Variants in PRIMA1 observed in about 807,000 individuals in gnomAD.
PRIMA1 encodes the protein proline-rich membrane anchor 1.
In PRIMA1, 7 loss-of-function variants were observed where a neutral mutation model predicts 17.5. The observed-to-expected ratio is 0.40, with a 90% CI of 0.23 to 0.75. The LOEUF is 0.75. Among genes scored for constraint, PRIMA1 ranks in the 30% least tolerant of loss-of-function variants. The probability of loss-of-function intolerance (pLI) is 0.37; values close to 1 mark genes in which losing one functional copy is unlikely to be tolerated. For missense variants in PRIMA1, 200 were observed against 201.8 expected (o/e 0.99, Z 0.05); for synonymous variants, 97 against 77.9 (o/e 1.25, Z -1.29).
intron 3 of PRIMA1, among the ~76,000 whole-genome samples, chr14:93,761,932 C>T (rs1337895204): frequency 2.6e-5 from 4 of 152,102 alleles, no homozygotes; most frequent in Non-Finnish European, 4.4e-5. Context: ...CATATTCCAC[C>T]TCTTTCTGAT....
At chr14:93,744,929 G>A (rs1370232821) in intron 3 of PRIMA1, among the ~76,000 whole-genome samples, 4 of 152,082 alleles carry the variant, frequency 2.6e-5, no homozygotes, top group Non-Finnish European at 4.4e-5. Context: ...CAAAACTAAG[G>A]GACACACCCT....
intron 3 of PRIMA1, among the ~76,000 whole-genome samples, chr14:93,748,787 G>C (rs181862943): frequency 6.6e-5 from 10 of 152,060 alleles, no homozygotes; most frequent in Non-Finnish European, 1.2e-4. Context: ...TCTCAGGCTC[G>C]GCTCCTGAGG....
chr14:93,737,162 T>C (rs1024366000), intron 4 of PRIMA1, 79 bp downstream of exon 4: 16 of 1,380,960 alleles, frequency 1.2e-5, no homozygotes, highest in South Asian at 5.1e-5. Flanking sequence ...AAAATAATGA[T>C]ACGGGATGTG....
chr14:93,738,808 G>C (rs747481036), intron 3 of PRIMA1, among the ~76,000 whole-genome samples: 2 of 152,112 alleles, frequency 1.3e-5, no homozygotes, highest in Non-Finnish European at 2.9e-5. Context: ...AAGTGTCCCC[G>C]TGCCTCTTTC....
At chr14:93,765,855 C>A (rs1884879940) in intron 3 of PRIMA1, among the ~76,000 whole-genome samples, 1 of 152,158 alleles carries the variant, frequency 6.6e-6, no homozygotes, top group Non-Finnish European at 1.5e-5. Context: ...TCCCTGCAGC[C>A]CCCTAAAGGC....
At chr14:93,725,507 G>A (rs533013669) in intron 4 of PRIMA1, among the ~76,000 whole-genome samples, 2 of 152,282 alleles carry the variant, frequency 1.3e-5, no homozygotes, top group African/African-American at 4.8e-5. Context: ...GGGTGACGCT[G>A]CGGAAGTGCT....
chr14:93,776,593 C>T lies in PRIMA1; in HGVS notation c.229+2583G>A, dbSNP rs944581214. ...AAACAGTTGATCTTTCTGAAACAGA[C>T]AATATAGGCTCATGTCACTTCCCCA... On this transcript the variant is annotated intron_variant, in intron 3 of 4. Transcript: ENST00000393140. 4.6e-5 allele frequency among the ~76,000 whole-genome samples: 7 copies of T among 152,184 alleles called. No individual in the cohort carries two copies. In the East Asian group the frequency reaches 1.2e-3, roughly 25 times the overall value.
Position 93,718,548 on chromosome 14 carries a change from T to C in PRIMA1, c.*2896A>G, listed in dbSNP as rs2076017822. 1 of 152,580 alleles carries C rather than the reference T, an allele frequency of 6.6e-6. No individual in the cohort carries two copies. The highest frequency in any genetic ancestry group is 2.4e-5 in the African/African-American group (1 of 41,440). 9.5% of individuals were successfully genotyped at this position (152,580 alleles called of 1,614,324 possible). Reference sequence around the variant, plus strand: ...TGCTAAGAAGGCAGATTTCAGGATATTCACATTCATGCATTACGTATCTCA... The same window carrying C: ...TGCTAAGAAGGCAGATTTCAGGATACTCACATTCATGCATTACGTATCTCA... On this transcript the variant is annotated 3_prime_UTR_variant, in exon 5 of 5. Coordinates refer to ENST00000393140, the MANE Select transcript of PRIMA1 (RefSeq NM_178013.4).
intron 4 of PRIMA1, among the ~76,000 whole-genome samples, chr14:93,733,873 A>G (rs558918433): frequency 6.6e-6 from 1 of 152,320 alleles, no homozygotes; most frequent in East Asian, 1.9e-4. Flanking sequence ...GCTATCTCTT[A>G]CAGCCCCAGC....
chr14:93,784,657 C>T (rs1885470993), intron 2 of PRIMA1, among the ~76,000 whole-genome samples: 1 of 152,186 alleles, frequency 6.6e-6, no homozygotes, highest in African/African-American at 2.4e-5. Flanking sequence ...CTCCTCTGGC[C>T]TTGGGCTGTT....
intron 3 of PRIMA1, among the ~76,000 whole-genome samples, chr14:93,754,973 C>T (rs1050960128): frequency 2.6e-5 from 4 of 152,152 alleles, no homozygotes; most frequent in Admixed American, 6.5e-5. Context: ...TGGGAAGGCA[C>T]GGCTGGCTTG....
chr14:93,721,475 T>C lies in PRIMA1; in HGVS notation c.431A>G (p.Lys144Arg), dbSNP rs748192131. The change falls in exon 5 of 5, where the codon AAA becomes AGA. Residue 144 changes from lysine (K) to arginine (R), a missense_variant. Transcript: ENST00000393140. ...EYPMSASQSN[K>R]GVDVNNAVV ...CACTGCGTTGTTCACGTCTACTCCT[T>C]TGTTGCTCTGCGAAGCACTCATGGG... The C allele has an allele frequency of 3.7e-6, 6 of 1,613,820 alleles. No individual in the cohort carries two copies. In the Admixed American group the frequency reaches 1.0e-4, roughly 27 times the overall value.
At chr14:93,763,466 G>A (rs1884794864) in intron 3 of PRIMA1, among the ~76,000 whole-genome samples, 1 of 152,126 alleles carries the variant, frequency 6.6e-6, no homozygotes, top group East Asian at 1.9e-4. Flanking sequence ...CCTCCTCCCT[G>A]AAGCCTCCCT....
rs956004817 is a variant in PRIMA1, at chr14:93,766,680, G to A, written c.229+12496C>T. Among the ~76,000 whole-genome samples the A allele has an allele frequency of 3.3e-5, 5 of 152,094 alleles. No homozygotes were observed. The East Asian group carries it at 7.7e-4, about 23-fold the overall frequency. ...AACCTTTGGTAAACAAATTGCAGAC[G>A]CTCCTCAGCCCTGAAGGTGAATGAG... is the stretch of plus-strand genomic sequence containing the variant. On this transcript the variant is annotated intron_variant, in intron 3 of 4. Coordinates refer to ENST00000393140, the MANE Select transcript of PRIMA1 (RefSeq NM_178013.4).
intron 3 of PRIMA1, among the ~76,000 whole-genome samples, chr14:93,746,076 C>A (rs896776199): frequency 6.6e-6 from 1 of 152,052 alleles, no homozygotes. Flanking sequence ...TTGGGAGAGG[C>A]GGGCTCAGCC....
At chr14:93,745,876 A>G (rs562543044) in intron 3 of PRIMA1, among the ~76,000 whole-genome samples, 1 of 152,354 alleles carries the variant, frequency 6.6e-6, no homozygotes, top group South Asian at 2.1e-4. Flanking sequence ...ATTTAATCTC[A>G]GTTTCTTCCA....
At chr14:93,760,367 A>C (rs549398661) in intron 3 of PRIMA1, among the ~76,000 whole-genome samples, 5 of 152,154 alleles carry the variant, frequency 3.3e-5, no homozygotes, top group Admixed American at 1.3e-4. Flanking sequence ...TACCTCCCCT[A>C]AGTGGGACTG....
rs372758741 is a variant in PRIMA1 at position 93,730,033 on chromosome 14, A to G, written c.359+7208T>C. On this transcript the variant is annotated intron_variant, in intron 4 of 4. Coordinates refer to ENST00000393140, the MANE Select transcript of PRIMA1 (RefSeq NM_178013.4). ...GACGATTTCACTCACCCAGATAGAG[A>G]AAAAAAATGAGTTTACTGCAATTCT... is the stretch of plus-strand genomic sequence containing the variant. Among the ~76,000 whole-genome samples, 257 of 152,106 alleles carry G rather than the reference A, an allele frequency of 1.7e-3. 8 individuals carry two copies. In the South Asian group the frequency reaches 0.049, roughly 29 times the overall value.
intron 4 of PRIMA1, among the ~76,000 whole-genome samples, chr14:93,736,021 AG>A (rs1164990613): frequency 6.6e-6 from 1 of 152,142 alleles, no homozygotes; most frequent in Admixed American, 6.5e-5. Context: ...GCCGCTACCC[AG>A]AGTTACAGGG....
Sources: allele counts gnomAD v4.1 joint callset (sites outside exome capture counted in the v4.1 genomes callset), GRCh38; gene constraint gnomAD v4.1.1; transcripts MANE v1.5; gene names NCBI Gene and HGNC (gene_info 2026-07-23, HGNC 2026-07-21).